LRSAM1: variants seen among roughly 807,000 people sequenced by gnomAD.
LRSAM1 encodes leucine rich repeat and sterile alpha motif containing 1.
A neutral mutation model predicts 118.1 loss-of-function variants in LRSAM1; 96 were observed. That is an observed-to-expected ratio of 0.81 (90% confidence interval 0.69 to 0.96). The LOEUF (loss-of-function observed/expected upper bound fraction) is 0.96, where lower values mean the gene tolerates loss of function less well. Ranked by LOEUF, LRSAM1 falls within the 40% of genes least tolerant of loss-of-function variation. The pLI is 0.00. For synonymous variants in LRSAM1, 322 were observed against 364.2 expected (o/e 0.88, Z 1.32); for missense variants, 804 against 915.5 (o/e 0.88, Z 1.57).
chr9:127,490,246 TTTTCTTTCTTTC>T (rs146824383), intron 19 of LRSAM1, among the ~76,000 whole-genome samples: 35 of 150,266 alleles, frequency 2.3e-4, no homozygotes, highest in Non-Finnish European at 4.0e-4. Flanking sequence ...CTTTCTCTAT[TTTTCTTTCTTTC>T]TTTCTTTCTT....
intron 2 of LRSAM1, among the ~76,000 whole-genome samples, chr9:127,453,257 T>C (rs1588088625): frequency 6.6e-6 from 1 of 152,106 alleles, no homozygotes; most frequent in African/African-American, 2.4e-5. Context: ...TCTTTGTGTA[T>C]TTTTAGTAGA....
In LRSAM1 at chr9:127,461,151, G is replaced by C. The variant is rs1834726619; in HGVS notation, c.322-22G>C. The C allele has an allele frequency of 6.3e-6, 10 of 1,599,450 alleles. No homozygotes were observed. In the Middle Eastern group the frequency reaches 5.0e-4, roughly 80 times the overall value. Reference sequence around the variant, plus strand: ...TTACAGGCATAAGCCACTGCGCCTGGCTGCCTCTTCCTCTTTCTTAGGTCT... The same window carrying C: ...TTACAGGCATAAGCCACTGCGCCTGCCTGCCTCTTCCTCTTTCTTAGGTCT... On this transcript the variant is annotated intron_variant, in intron 7 of 25. Transcript: ENST00000300417.
At chr9:127,480,593 G>A (rs1387956910) in intron 14 of LRSAM1, among the ~76,000 whole-genome samples, 3 of 152,312 alleles carry the variant, frequency 2.0e-5, no homozygotes, top group African/African-American at 7.2e-5. Context: ...ATGAGTTCAG[G>A]AAACCAGTCA....
At chr9:127,473,398 A>G (rs1383213244) in intron 10 of LRSAM1, among the ~76,000 whole-genome samples, 1 of 152,224 alleles carries the variant, frequency 6.6e-6, no homozygotes, top group East Asian at 1.9e-4. Context: ...AGTCTAAGGT[A>G]TGAACCCTTT....
intron 24 of LRSAM1, among the ~76,000 whole-genome samples, chr9:127,499,825 T>TGA (rs1335558970): frequency 1.3e-5 from 2 of 151,120 alleles, no homozygotes; most frequent in Non-Finnish European, 2.9e-5. Context: ...GAGGAGAGGC[T>TGA]GAGGCAGGAG....
rs368471851 is a variant in LRSAM1 at position 127,492,914 on chromosome 9, T to C, written c.1599+17T>C. 6.2e-7 allele frequency: 1 copy of C among 1,609,050 alleles called. No individual in the cohort carries two copies. Among genetic ancestry groups the C allele is most frequent in the Non-Finnish European group, 8.5e-7 (1 of 1,175,604 alleles). On this transcript the variant is annotated intron_variant, in intron 21 of 25. Coordinates refer to ENST00000300417, the MANE Select transcript of LRSAM1 (RefSeq NM_001005373.4). ...GAAATCCTGGTATGTGTTTGGCTTC[T>C]GTGCTCAGCATCACACAGGCATTTG... is the stretch of plus-strand genomic sequence containing the variant.
rs1013815819 is a variant in LRSAM1 at position 127,454,106 on chromosome 9, C to T, written c.-32-390C>T. On this transcript the variant is annotated intron_variant, in intron 2 of 25. Transcript: ENST00000300417. ...ACTAGAAAGACGCAGCCCCTGCCCC[C>T]GTGGAACTCACTAGAAAGACGCAGC... 3.8e-4 allele frequency: 124 copies of T among 330,008 alleles called. No homozygotes were observed. In the Middle Eastern group the frequency reaches 4.4e-3, roughly 12 times the overall value. The allele number at this position is 330,008 out of a possible 1,614,324, so 20.4% of individuals were successfully genotyped here. A position where few individuals can be genotyped will look rare whatever the true frequency, so the allele number is the denominator to read the frequency against.
intron 12 of LRSAM1, 122 bp from the exon 13 acceptor site, chr9:127,479,261 G>T (rs1835443491): frequency 7.0e-7 from 1 of 1,419,608 alleles, no homozygotes. Flanking sequence ...GGGGAGTGGG[G>T]GTTGCTCAGC....
Sources: gnomAD v4.1 joint callset for allele counts (sites outside exome capture counted in the v4.1 genomes callset) on GRCh38, gnomAD v4.1.1 for gene constraint, MANE v1.5 for transcripts, NCBI Gene and HGNC (gene_info 2026-07-23, HGNC 2026-07-21) for gene names.